PNLIPRP3: variants seen among roughly 807,000 people sequenced by gnomAD.
PNLIPRP3 encodes pancreatic lipase related protein 3.
In PNLIPRP3, 58 loss-of-function variants were observed where a neutral mutation model predicts 52.8. The observed-to-expected ratio is 1.10, with a 90% CI of 0.89 to 1.37. The LOEUF (loss-of-function observed/expected upper bound fraction) is 1.37, where lower values mean the gene tolerates loss of function less well. PNLIPRP3 is among the 40% of genes most tolerant of loss of function. The pLI is 0.00. For missense variants in PNLIPRP3, 593 were observed against 561.6 expected (o/e 1.06, Z -0.57); for synonymous variants, 192 against 185.0 (o/e 1.04, Z -0.31).
At chr10:116,442,752 T>C (rs559389713) in intron 2 of PNLIPRP3, among the ~76,000 whole-genome samples, 2 of 152,186 alleles carry the variant, frequency 1.3e-5, no homozygotes, top group South Asian at 2.1e-4. Flanking sequence ...GTAATCCAAC[T>C]ATTCAGGAGG....
intron 4 of PNLIPRP3, among the ~76,000 whole-genome samples, chr10:116,446,360 A>G (rs1845951811): frequency 6.6e-6 from 1 of 151,614 alleles, no homozygotes; most frequent in South Asian, 2.1e-4. Flanking sequence ...AAAAAAAAAA[A>G]AAAAAAAAAA....
chr10:116,434,451 T>C (rs1231975904), intron 1 of PNLIPRP3, among the ~76,000 whole-genome samples: 2 of 152,204 alleles, frequency 1.3e-5, no homozygotes, highest in Non-Finnish European at 2.9e-5. Context: ...ATTAACTTTA[T>C]AGCAAACATT....
At chr10:116,461,147 C>T in intron 6 of PNLIPRP3, 21 bp from the exon 7 acceptor site, 1 of 1,614,112 alleles carries the variant, frequency 6.2e-7, no homozygotes, top group Non-Finnish European at 8.5e-7. Context: ...GAGGCATTTA[C>T]CCTGTTTTTA....
chr10:116,471,655 C>T lies in PNLIPRP3; in HGVS notation c.1061-113C>T, dbSNP rs1660364762. The T allele has an allele frequency of 7.3e-6, 6 of 826,242 alleles. No homozygotes were observed. The Admixed American group carries it at 1.2e-4, about 17-fold the overall frequency. The allele number at this position is 826,242 out of a possible 1,614,324, so 51.2% of individuals were successfully genotyped here. A position where few individuals can be genotyped will look rare whatever the true frequency, so the allele number is the denominator to read the frequency against. ...TATTTTTGCATGAATATGTGCAGCACTGTTCAAATACAACCCTGAAAATTT... is the reference window on the plus strand; with the variant it reads ...TATTTTTGCATGAATATGTGCAGCATTGTTCAAATACAACCCTGAAAATTT... On this transcript the variant is annotated intron_variant, in intron 9 of 11. Coordinates refer to ENST00000369230, the MANE Select transcript of PNLIPRP3 (RefSeq NM_001011709.3).
intron 8 of PNLIPRP3, among the ~76,000 whole-genome samples, chr10:116,468,876 A>C (rs1846321610): frequency 6.6e-6 from 1 of 152,320 alleles, no homozygotes; most frequent in East Asian, 1.9e-4. Flanking sequence ...ACCTTGTTTT[A>C]ATTAACATAT....
chr10:116,439,035 T>C (rs886995955), intron 2 of PNLIPRP3, among the ~76,000 whole-genome samples: 9 of 152,158 alleles, frequency 5.9e-5, no homozygotes, highest in Admixed American at 3.9e-4. Flanking sequence ...GAGCAGGTAA[T>C]GGAGAGTTCC....
At chr10:116,431,241 C>A (rs573801067) in intron 1 of PNLIPRP3, among the ~76,000 whole-genome samples, 2 of 152,196 alleles carry the variant, frequency 1.3e-5, no homozygotes, top group Non-Finnish European at 2.9e-5. Flanking sequence ...GCCTCTTCCT[C>A]TACCTTGCCC....
At chr10:116,449,275 T>C (rs1589981244) in intron 4 of PNLIPRP3, among the ~76,000 whole-genome samples, 1 of 120,470 alleles carries the variant, frequency 8.3e-6, no homozygotes, top group Non-Finnish European at 1.8e-5. Context: ...TATTAAACTC[T>C]CTAATCAAAA....
At chr10:116,439,331 T>G (rs1478805982) in intron 2 of PNLIPRP3, 1 of 414,772 alleles carries the variant, frequency 2.4e-6, no homozygotes, top group African/African-American at 2.0e-5. Context: ...GAGACTACAA[T>G]ATGATCATGA....
chr10:116,452,866 C>T (rs920007382), intron 4 of PNLIPRP3, among the ~76,000 whole-genome samples: 2 of 152,256 alleles, frequency 1.3e-5, no homozygotes, highest in African/African-American at 4.8e-5. Flanking sequence ...CACAGAGAAA[C>T]TCTACTAAGG....
intron 1 of PNLIPRP3, among the ~76,000 whole-genome samples, chr10:116,428,692 A>C (rs1233153904): frequency 6.6e-6 from 1 of 152,152 alleles, no homozygotes; most frequent in Non-Finnish European, 1.5e-5. Context: ...GGAGTTAGTG[A>C]TTTTGGCTAC....
Position 116,436,703 on chromosome 10 carries a change from T to C in PNLIPRP3, c.50-8T>C. On this transcript the variant is annotated splice_region_variant and splice_polypyrimidine_tract_variant and intron_variant, in intron 1 of 11. Transcript: ENST00000369230. ...CCTCTATACTGACACTCCACCTTTCTGCTGCAGGAAAAGAAGTTTGCTATG... is the reference window on the plus strand; with the variant it reads ...CCTCTATACTGACACTCCACCTTTCCGCTGCAGGAAAAGAAGTTTGCTATG... 1.9e-6 allele frequency: 3 copies of C among 1,602,924 alleles called. No homozygotes were observed. The highest frequency in any genetic ancestry group is 2.6e-6 in the Non-Finnish European group (3 of 1,173,496).
chr10:116,476,038 T>C (rs1846459219), intron 10 of PNLIPRP3, among the ~76,000 whole-genome samples: 1 of 152,104 alleles, frequency 6.6e-6, no homozygotes, highest in Non-Finnish European at 1.5e-5. Flanking sequence ...AATTTTTGCA[T>C]GATGGGGAAA....
rs768171700 is a variant in PNLIPRP3, at chr10:116,469,177, G to T, written c.928-8G>T. The T allele has an allele frequency of 9.9e-6, 16 of 1,608,852 alleles. 1 individual carries two copies. In the East Asian group the frequency reaches 1.6e-4, roughly 16 times the overall value. On this transcript the variant is annotated splice_polypyrimidine_tract_variant and splice_region_variant and intron_variant, in intron 8 of 11. Coordinates refer to ENST00000369230, the MANE Select transcript of PNLIPRP3 (RefSeq NM_001011709.3). ...CATAAGTAATCACCTTTCATTTTCT[G>T]TCATCAGGGAAATTGCTTCTTTTGT...
chr10:116,476,515 T>A, intron 10 of PNLIPRP3, 137 bp from the exon 11 acceptor site: 1 of 615,104 alleles, frequency 1.6e-6, no homozygotes, highest in Non-Finnish European at 2.6e-6. Context: ...TCAATACACA[T>A]GGAAAGAATA....
intron 8 of PNLIPRP3, 128 bp from the exon 9 acceptor site, chr10:116,469,057 C>A: frequency 1.1e-6 from 1 of 926,432 alleles, no homozygotes; most frequent in Non-Finnish European, 1.5e-6. Flanking sequence ...GCCTGTTAGG[C>A]ACTTTTAAAA....
At chr10:116,456,179 A>T (rs1240417509) in intron 5 of PNLIPRP3, among the ~76,000 whole-genome samples, 2 of 152,206 alleles carry the variant, frequency 1.3e-5, no homozygotes, top group Non-Finnish European at 2.9e-5. Context: ...TGGTTATGAG[A>T]GGCTGGGAAG....
At chr10:116,456,318 G>T (rs1024851443) in intron 5 of PNLIPRP3, among the ~76,000 whole-genome samples, 3 of 152,158 alleles carry the variant, frequency 2.0e-5, no homozygotes, top group Non-Finnish European at 4.4e-5. Flanking sequence ...TTTCAAAATA[G>T]CTAGAAGAGA....
intron 2 of PNLIPRP3, among the ~76,000 whole-genome samples, chr10:116,442,683 G>A (rs919140763): frequency 6.6e-6 from 1 of 152,060 alleles, no homozygotes; most frequent in African/African-American, 2.4e-5. Context: ...AGGCAACATA[G>A]TGAGACCCTG....
Sources: allele counts gnomAD v4.1 joint callset (sites outside exome capture counted in the v4.1 genomes callset), GRCh38; gene constraint gnomAD v4.1.1; transcripts MANE v1.5; gene names NCBI Gene and HGNC (gene_info 2026-07-23, HGNC 2026-07-21).